SEMA3C: variants seen among roughly 807,000 people sequenced by gnomAD.
SEMA3C encodes the protein semaphorin 3C.
A neutral mutation model predicts 89.4 loss-of-function variants in SEMA3C; 47 were observed. That is an observed-to-expected ratio of 0.53 (90% CI 0.42 to 0.67). The LOEUF is 0.67. SEMA3C is among the 30% of genes least tolerant of loss of function. SEMA3C has a pLI of 0.00. For missense variants in SEMA3C, 839 were observed against 929.1 expected, an observed-to-expected ratio of 0.90 and a Z score of 1.26; for synonymous variants, 310 against 320.2, an observed-to-expected ratio of 0.97 and a Z score of 0.34.
At chr7:80,745,587 T>C (rs1787782561) in intron 17 of SEMA3C, among the ~76,000 whole-genome samples, 1 of 152,074 alleles carries the variant, frequency 6.6e-6, no homozygotes, top group African/African-American at 2.4e-5. Context: ...TTCCCCTGGA[T>C]AGATGTTTCT....
intron 2 of SEMA3C, among the ~76,000 whole-genome samples, chr7:80,858,419 G>A (rs1442857586): frequency 6.6e-6 from 1 of 152,076 alleles, no homozygotes; most frequent in Non-Finnish European, 1.5e-5. Context: ...TAGTTATACA[G>A]ATGTCCAGAT....
chr7:80,762,879 C>T (rs1194384459), intron 13 of SEMA3C, among the ~76,000 whole-genome samples: 3 of 152,180 alleles, frequency 2.0e-5, no homozygotes, highest in African/African-American at 7.2e-5. Flanking sequence ...ATTTGAATAA[C>T]TCAAGTGGCA....
chr7:80,818,076 A>G (rs541231672), intron 5 of SEMA3C, among the ~76,000 whole-genome samples: 1 of 152,116 alleles, frequency 6.6e-6, no homozygotes, highest in South Asian at 2.1e-4. Context: ...ACACACACAC[A>G]CACATATAAT....
intron 2 of SEMA3C, among the ~76,000 whole-genome samples, chr7:80,832,832 C>T (rs1256890924): frequency 6.6e-6 from 1 of 152,066 alleles, no homozygotes; most frequent in Non-Finnish European, 1.5e-5. Context: ...AAAAAGAAAT[C>T]CTTGCAGTTT....
intron 12 of SEMA3C, among the ~76,000 whole-genome samples, chr7:80,778,775 G>A (rs557555357): frequency 8.5e-5 from 13 of 152,164 alleles, no homozygotes; most frequent in Non-Finnish European, 1.8e-4. Context: ...AGGGCACTCA[G>A]CTATAACAGT....
chr7:80,825,476 T>C (rs568386818), intron 4 of SEMA3C, among the ~76,000 whole-genome samples: 43 of 152,320 alleles, frequency 2.8e-4, no homozygotes, highest in African/African-American at 8.7e-4. Context: ...AATGTCAGCA[T>C]GTATTGAAGA....
At chr7:80,751,401 A>G (rs1787932413) in intron 15 of SEMA3C, 65 bp from the exon 16 acceptor site, 1 of 1,429,192 alleles carries the variant, frequency 7.0e-7, no homozygotes, top group Admixed American at 1.7e-5. Context: ...CACTCTTAAA[A>G]CACTGTAATT....
At chr7:80,863,273 A>T (rs1790816538) in intron 2 of SEMA3C, among the ~76,000 whole-genome samples, 1 of 151,526 alleles carries the variant, frequency 6.6e-6, no homozygotes, top group South Asian at 2.1e-4. Context: ...ATGATCAGGG[A>T]AATGCAAATC....
At chr7:80,907,581 T>C (rs769137444) in intron 2 of SEMA3C, among the ~76,000 whole-genome samples, 1 of 152,012 alleles carries the variant, frequency 6.6e-6, no homozygotes, top group Non-Finnish European at 1.5e-5. Context: ...ATAAACAATC[T>C]ATAAGGGTGG....
At chr7:80,909,600 C>A (rs1042846214) in intron 2 of SEMA3C, among the ~76,000 whole-genome samples, 1 of 152,008 alleles carries the variant, frequency 6.6e-6, no homozygotes. Context: ...TCAGTTCAAA[C>A]CAGAACATAA....
chr7:80,812,891 A>C (rs1789502273), intron 5 of SEMA3C, among the ~76,000 whole-genome samples: 1 of 150,606 alleles, frequency 6.6e-6, no homozygotes, highest in African/African-American at 2.4e-5. Flanking sequence ...GGTTCAAGCG[A>C]TTCTCATGCC....
At chr7:80,825,216 T>C (rs1200196519) in intron 4 of SEMA3C, among the ~76,000 whole-genome samples, 1 of 152,180 alleles carries the variant, frequency 6.6e-6, no homozygotes, top group Non-Finnish European at 1.5e-5. Flanking sequence ...AGGACACTTC[T>C]ATAAGTATTT....
upstream of SEMA3C, chr7:80,919,211 G>C: frequency 5.1e-6 from 5 of 985,070 alleles, no homozygotes; most frequent in African/African-American, 1.7e-5. Context: ...CCCACCCCGA[G>C]CGCGCCCGCG....
chr7:80,811,073 C>T (rs1024182997), intron 5 of SEMA3C, among the ~76,000 whole-genome samples: 1 of 152,090 alleles, frequency 6.6e-6, no homozygotes, highest in Non-Finnish European at 1.5e-5. Flanking sequence ...TATGTAAGGA[C>T]TATACTATTT....
chr7:80,818,528 A>G, intron 4 of SEMA3C, 110 bp from the exon 5 acceptor site: 12 of 1,266,108 alleles, frequency 9.5e-6, no homozygotes, highest in Non-Finnish European at 1.3e-5. Context: ...AGGTGACATA[A>G]ACTTTTGATG....
intron 2 of SEMA3C, among the ~76,000 whole-genome samples, chr7:80,909,795 T>C (rs563628489): frequency 2.6e-5 from 4 of 152,254 alleles, no homozygotes; most frequent in East Asian, 1.9e-4. Flanking sequence ...TTTGCATGAA[T>C]TAGAGATAAA....
At chr7:80,867,099 A>G (rs1790945105) in intron 2 of SEMA3C, among the ~76,000 whole-genome samples, 1 of 152,214 alleles carries the variant, frequency 6.6e-6, no homozygotes, top group African/African-American at 2.4e-5. Context: ...AATACACAAC[A>G]AAATTACCAA....
chr7:80,850,446 C>T (rs1790485153), intron 2 of SEMA3C, among the ~76,000 whole-genome samples: 2 of 152,136 alleles, frequency 1.3e-5, no homozygotes, highest in African/African-American at 4.8e-5. Context: ...GAATTAATTA[C>T]TTCTACATAT....
chr7:80,802,741 C>G lies in SEMA3C; in HGVS notation c.840G>C (p.Trp280Cys). 6.2e-7 allele frequency: 1 copy of G among 1,613,320 alleles called. No homozygotes were observed. The highest frequency in any genetic ancestry group is 8.5e-7 in the Non-Finnish European group (1 of 1,179,458). The change falls in exon 9 of 18, where the codon TGG (tryptophan) becomes TGC (cysteine). Residue 280 changes from tryptophan to cysteine, a missense_variant. Transcript: ENST00000265361. The stretch of plus-strand genomic sequence containing the variant: ...CCAGCCTCGCCTTTAAGAAAGTGGT[C>G]CACTTGTTGACAAGGCTACGCAGTC... ...TGGLRSLVNK[W>C]TTFLKARLVC...
Sources: allele counts gnomAD v4.1 joint callset (sites outside exome capture counted in the v4.1 genomes callset), GRCh38; gene constraint gnomAD v4.1.1; transcripts MANE v1.5; gene names NCBI Gene and HGNC (gene_info 2026-07-23, HGNC 2026-07-21).